Variants in CAPN12 observed in about 807,000 individuals in gnomAD.
CAPN12 encodes calpain-12.
Under a neutral mutation model 95.0 loss-of-function variants are expected in CAPN12, and 107 were observed. That is an observed-to-expected ratio of 1.13 (90% CI 0.96 to 1.32). The LOEUF (loss-of-function observed/expected upper bound fraction) is 1.32, where lower values mean the gene tolerates loss of function less well. Among genes scored for constraint, CAPN12 ranks in the 40% most tolerant of loss-of-function variants. CAPN12 has a pLI of 0.00. For missense variants in CAPN12, 1,136 were observed against 997.8 expected (o/e 1.14, Z -1.87); for synonymous variants, 505 against 415.5 (o/e 1.22, Z -2.62).
chr19:38,738,575 TTG>T lies in CAPN12; in HGVS notation c.801_802del (p.His267GlnfsTer108). 1.2e-6 allele frequency: 2 copies of T among 1,613,968 alleles called. No individual in the cohort carries two copies. The highest frequency in any genetic ancestry group is 8.5e-7 in the Non-Finnish European group (1 of 1,179,996). ...ACCCCACCCATGGGGGACACTTACC[TTG>T]TGTGTGCCCGTGATGGAATACGCGT... On this transcript the variant is annotated frameshift_variant and splice_region_variant, in exon 6 of 21. Coordinates refer to ENST00000328867, the MANE Select transcript of CAPN12 (RefSeq NM_144691.4). LOFTEE classifies it high-confidence loss of function.
chr19:38,733,131 C>CTCT (rs1969754820), intron 18 of CAPN12: 1 of 144,566 alleles, frequency 6.9e-6, no homozygotes, highest in Non-Finnish European at 1.5e-5. Context: ...GAGAGGCAGG[C>CTCT]TCTTGCTCTG....
At chr19:38,737,746 C>T in intron 8 of CAPN12, 108 bp from the exon 9 acceptor site, 1 of 1,354,524 alleles carries the variant, frequency 7.4e-7, no homozygotes, top group Non-Finnish European at 9.8e-7. Context: ...TAAATATTGT[C>T]AAATACCCTT....
intron 10 of CAPN12, 46 bp from the exon 11 acceptor site, chr19:38,736,609 C>T (rs778362402): frequency 2.1e-6 from 3 of 1,446,004 alleles, no homozygotes; most frequent in Non-Finnish European, 1.9e-6. Flanking sequence ...GGAGAGGTGG[C>T]CGCCGCTCAG....
Position 38,734,827 on chromosome 19 carries a change from A to T in CAPN12, c.1730T>A (p.Ile577Asn), listed in dbSNP as rs369606479. ...NASQLQALLSIALEPARAHTS... is the reference protein window; with the variant it reads ...NASQLQALLSNALEPARAHTS... ...AGCCAACTCACCAGGCTCCAGGGCA[A>T]TGCTTAGTAAGGCCTGGAGCTGAGA... The change falls in exon 15 of 21, where the codon ATT becomes AAT. Residue 577 changes from isoleucine (I) to asparagine (N), a missense_variant. Ile to Asn is a moderately radical substitution (Grantham distance 149, BLOSUM62 -3). Transcript: ENST00000328867. 3 of 1,612,674 alleles carry T rather than the reference A, an allele frequency of 1.9e-6. No homozygotes were observed. The highest frequency in any genetic ancestry group is 2.5e-6 in the Non-Finnish European group (3 of 1,179,824).
Position 38,736,178 on chromosome 19 carries a change from G to A in CAPN12, c.1515C>T (p.Ser505=). Residue 505 remains serine, a synonymous_variant, in exon 12 of 21, where the codon AGC becomes AGT. Coordinates refer to ENST00000328867, the MANE Select transcript of CAPN12 (RefSeq NM_144691.4). ...CAGCCTCGTCGCCGGCGTGGGCGGT[G>A]CTCGGCACCACCAGGTAGTGGCCTG... ...LRPGHYLVVP[S]TAHAGDEADF... The A allele has an allele frequency of 6.6e-7, 1 of 1,513,760 alleles. No homozygotes were observed. Among genetic ancestry groups the A allele is most frequent in the African/African-American group, 1.4e-5 (1 of 69,436 alleles). The allele number at this position is 1,513,760 out of a possible 1,614,324, so 93.8% of individuals were successfully genotyped here. A position where few individuals can be genotyped will look rare whatever the true frequency, so the allele number is the denominator to read the frequency against.
At chr19:38,742,565 G>A (rs1970612563) in intron 2 of CAPN12, 37 bp from the exon 3 acceptor site, 3 of 1,473,734 alleles carry the variant, frequency 2.0e-6, no homozygotes, top group Non-Finnish European at 2.8e-6. Context: ...AGGATGGAAG[G>A]AGGGAGGCCT....
chr19:38,738,776 G>A (rs1438574717), intron 5 of CAPN12, 128 bp from the exon 6 acceptor site: 1 of 758,090 alleles, frequency 1.3e-6, no homozygotes. Flanking sequence ...ACGCAGCTCA[G>A]AGACCATGTC....
intron 2 of CAPN12, 73 bp downstream of exon 2, chr19:38,742,960 A>G (rs890218678): frequency 2.3e-5 from 34 of 1,469,168 alleles, no homozygotes; most frequent in Middle Eastern, 1.7e-4. Context: ...TGGGTGGACA[A>G]AGGGATGGAG....
At position 38,730,672 on chromosome 19, in the gene CAPN12, TGTTTCTGA is replaced by T; in HGVS notation, c.*172_*179del. 1 of 687,712 alleles carries T rather than the reference TGTTTCTGA, an allele frequency of 1.5e-6. No individual in the cohort carries two copies. The highest frequency in any genetic ancestry group is 1.8e-5 in the South Asian group (1 of 55,928). 42.6% of individuals were successfully genotyped at this position (687,712 alleles called of 1,614,324 possible). A position where few individuals can be genotyped will look rare whatever the true frequency, so the allele number is the denominator to read the frequency against. On this transcript the variant is annotated 3_prime_UTR_variant, in exon 21 of 21. Coordinates refer to ENST00000328867, the MANE Select transcript of CAPN12 (RefSeq NM_144691.4). ...GCTCGAGAAGGGCTGTCGCTGTTCT[TGTTTCTGA>T]GTGAGGAGTACGCAGGCCAGAGTGG...
intron 1 of CAPN12, among the ~76,000 whole-genome samples, chr19:38,743,590 GC>G (rs797022185): frequency 1.2e-5 from 1 of 85,684 alleles, no homozygotes; most frequent in Non-Finnish European, 2.5e-5. Context: ...CAGGTCCCCA[GC>G]CCCCTCTTCC....
At chr19:38,736,529 G>A (rs943359588) in intron 11 of CAPN12, 23 bp downstream of exon 11, 28 of 1,512,222 alleles carry the variant, frequency 1.9e-5, no homozygotes, top group East Asian at 3.0e-5. Context: ...CCCCAGGGCC[G>A]GTTGACCCCA....
chr19:38,743,811 C>A, intron 1 of CAPN12, 118 bp downstream of exon 1: 1 of 961,736 alleles, frequency 1.0e-6, no homozygotes, highest in East Asian at 2.6e-5. Context: ...GTCTCGAGCC[C>A]CTCCTCCCTC....
At position 38,738,474 on chromosome 19, in the gene CAPN12, C is replaced by T. The variant is rs376919526; in HGVS notation, c.834G>A (p.Leu278=). Residue 278 remains leucine, a synonymous_variant, in exon 7 of 21, where the codon CTG becomes CTA. Transcript: ENST00000328867. The part of the protein sequence containing the change: ...KVFLGFTKVR[L]LRLRNPWGCV... The stretch of plus-strand genomic sequence containing the variant: ...AGCCCCATGGGTTCCGCAGCCGCAG[C>T]AGCCGCACCTTGGTGAAGCCCAGGA... The T allele has an allele frequency of 8.7e-6, 14 of 1,610,758 alleles. No individual in the cohort carries two copies. In the African/African-American group the frequency reaches 1.9e-4, roughly 22 times the overall value.
intron 15 of CAPN12, 147 bp from the exon 16 acceptor site, chr19:38,734,536 C>A: frequency 1.4e-6 from 1 of 728,452 alleles, no homozygotes. Flanking sequence ...GACTGCTGCG[C>A]CTAGCAGAGC....
In CAPN12 at chr19:38,737,788, G is replaced by A. The variant is rs185493424; in HGVS notation, c.966-150C>T. On this transcript the variant is annotated intron_variant, in intron 8 of 20. Coordinates refer to ENST00000328867, the MANE Select transcript of CAPN12 (RefSeq NM_144691.4). ...CCAGAAATGAACCCCAAATGCCTGG[G>A]CCTCTAGCTCTGCCAAATTCCTCCA... 1.0e-4 allele frequency: 111 copies of A among 1,089,324 alleles called. No homozygotes were observed. The Admixed American group carries it at 1.1e-3, about 11-fold the overall frequency. The allele number at this position is 1,089,324 out of a possible 1,614,324, so 67.5% of individuals were successfully genotyped here.
In CAPN12 at chr19:38,730,510, C is replaced by T; in HGVS notation, c.*342G>A. On this transcript the variant is annotated 3_prime_UTR_variant, in exon 21 of 21. Transcript: ENST00000328867. ...ACCCTCTGGGGACAGGATAATAAAA[C>T]ATGTAATATTTTTAAGAAGGATTCC... The T allele has an allele frequency of 2.9e-6, 1 of 349,980 alleles. No homozygotes were observed. The highest frequency in any genetic ancestry group is 5.3e-6 in the Non-Finnish European group (1 of 188,346). 21.7% of individuals were successfully genotyped at this position (349,980 alleles called of 1,614,324 possible).
chr19:38,736,388 G>C (rs1051320503), intron 11 of CAPN12, 70 bp from the exon 12 acceptor site: 22 of 1,478,276 alleles, frequency 1.5e-5, no homozygotes, highest in Non-Finnish European at 1.8e-5. Flanking sequence ...CCTCCAGCGC[G>C]CCCCGTCCAC....
At chr19:38,734,739 T>C in intron 15 of CAPN12, 74 bp downstream of exon 15, 1 of 1,410,548 alleles carries the variant, frequency 7.1e-7, no homozygotes. Context: ...TTCATAGACA[T>C]AGGGTGGCAC....
At chr19:38,732,704 T>TC (rs1181910470) in intron 18 of CAPN12, among the ~76,000 whole-genome samples, 13 of 152,026 alleles carry the variant, frequency 8.6e-5, no homozygotes, top group African/African-American at 2.4e-4. Flanking sequence ...CCAAACCCTC[T>TC]CCCTCTGGCT....
Sources: gnomAD v4.1 joint callset for allele counts (sites outside exome capture counted in the v4.1 genomes callset) on GRCh38, gnomAD v4.1.1 for gene constraint, MANE v1.5 for transcripts, NCBI Gene and HGNC (gene_info 2026-07-23, HGNC 2026-07-21) for gene names.